Variants in TOR3A observed in about 807,000 individuals in gnomAD.
TOR3A encodes torsin family 3 member A, also known as torsin-3A.
Under a neutral mutation model 42.1 loss-of-function variants are expected in TOR3A, and 44 were observed. The observed-to-expected ratio is 1.04, with a 90% confidence interval of 0.82 to 1.34. TOR3A has a LOEUF of 1.34. TOR3A is among the 40% of genes most tolerant of loss of function. TOR3A has a pLI of 0.00. For synonymous variants in TOR3A, 227 were observed against 213.2 expected (o/e 1.06, Z -0.57); for missense variants, 521 against 507.6 (o/e 1.03, Z -0.25).
At chr1:179,085,040 T>C (rs1652391681) in intron 2 of TOR3A, among the ~76,000 whole-genome samples, 1 of 152,190 alleles carries the variant, frequency 6.6e-6, no homozygotes, top group Non-Finnish European at 1.5e-5. Flanking sequence ...CCTAGACAGG[T>C]CTGTGCCAAC....
rs1652703639 is a variant in TOR3A at position 179,095,154 on chromosome 1, A to G, written c.1130A>G (p.Glu377Gly). The change falls in exon 6 of 6, where the codon GAA becomes GGA. Residue 377 changes from glutamate (E) to glycine (G), a missense_variant. By Grantham distance (98) the Glu-to-Gly change is moderately conservative (BLOSUM62 -2). Coordinates refer to ENST00000367627, the MANE Select transcript of TOR3A (RefSeq NM_022371.4). ...ATGATGGTGTATGTCCCCAAGGAGG[A>G]ACAACTCTTTTCTTCCCAGGGCTGC... is the stretch of plus-strand genomic sequence containing the variant. The part of the protein sequence containing the change: ...AQMMVYVPKE[E>G]QLFSSQGCKS... 1 of 1,614,190 alleles carries G rather than the reference A, an allele frequency of 6.2e-7. No individual in the cohort carries two copies. Among genetic ancestry groups the G allele is most frequent in the East Asian group, 2.2e-5 (1 of 44,882 alleles).
At position 179,095,655 on chromosome 1, in the gene TOR3A, T is replaced by G; in HGVS notation, c.*437T>G. 9.8e-7 allele frequency: 1 copy of G among 1,021,534 alleles called. No homozygotes were observed. The highest frequency in any genetic ancestry group is 9.3e-5 in the East Asian group (1 of 10,718). 63.3% of individuals were successfully genotyped at this position (1,021,534 alleles called of 1,614,324 possible). A position where few individuals can be genotyped will look rare whatever the true frequency, so the allele number is the denominator to read the frequency against. On this transcript the variant is annotated 3_prime_UTR_variant, in exon 6 of 6. Coordinates refer to ENST00000367627, the MANE Select transcript of TOR3A (RefSeq NM_022371.4). ...CAAGGAAGAGCTTGGGTGTTAGGCC[T>G]CAGAGGCTGTAGGGTCCTTGGGTTA...
At position 179,094,146 on chromosome 1, in the gene TOR3A, G is replaced by C. The variant is rs748684059; in HGVS notation, c.872G>C (p.Gly291Ala). 2 of 1,614,098 alleles carry C rather than the reference G, an allele frequency of 1.2e-6. No individual in the cohort carries two copies. The highest frequency in any genetic ancestry group is 2.2e-5 in the South Asian group (2 of 91,062). The change falls in exon 5 of 6, where the codon GGA (glycine) becomes GCA (alanine). Residue 291 changes from glycine (G) to alanine (A), a missense_variant. By Grantham distance (60) the Gly-to-Ala change is moderately conservative (BLOSUM62 0). Transcript: ENST00000367627. ...NEVVLKLLKAGWSREEITMEH... is the reference protein window; with the variant it reads ...NEVVLKLLKAAWSREEITMEH... ...GTGGTCCTAAAGTTGCTCAAGGCTG[G>C]ATGGTCCCGGGAAGAAATTACGATG... is the stretch of plus-strand genomic sequence containing the variant.
At chr1:179,087,505 G>A (rs937924673) in intron 3 of TOR3A, among the ~76,000 whole-genome samples, 1 of 152,208 alleles carries the variant, frequency 6.6e-6, no homozygotes, top group Non-Finnish European at 1.5e-5. Context: ...GCGCCTGGAT[G>A]TTTTTGTTGT....
intron 4 of TOR3A, among the ~76,000 whole-genome samples, chr1:179,093,323 G>C (rs67939704): frequency 0.21 from 32,357 of 152,026 alleles, 3,516 homozygotes; most frequent in East Asian, 0.26. Flanking sequence ...CACAACCTGA[G>C]AGAGATCACA....
At position 179,095,970 on chromosome 1, in the gene TOR3A, A is replaced by C. The variant is rs905748144; in HGVS notation, c.*752A>C. 1.0e-6 allele frequency: 1 copy of C among 985,226 alleles called. No homozygotes were observed. The highest frequency in any genetic ancestry group is 6.2e-5 in the Admixed American group (1 of 16,248). The allele number at this position is 985,226 out of a possible 1,614,324, so 61.0% of individuals were successfully genotyped here. A position where few individuals can be genotyped will look rare whatever the true frequency, so the allele number is the denominator to read the frequency against. On this transcript the variant is annotated 3_prime_UTR_variant, in exon 6 of 6. Coordinates refer to ENST00000367627, the MANE Select transcript of TOR3A (RefSeq NM_022371.4). ...ATGTTTGTTGTATGTAAAGATGATA[A>C]GATTAAAATTTTTGATTTTCCTAAA...
At chr1:179,083,914 C>G (rs1281358137) in intron 2 of TOR3A, among the ~76,000 whole-genome samples, 2 of 152,092 alleles carry the variant, frequency 1.3e-5, no homozygotes, top group Non-Finnish European at 2.9e-5. Context: ...TGAGGCCCAC[C>G]CCAGATATTT....
chr1:179,092,841 C>CAAAAAAAAAA (rs1349060090), intron 4 of TOR3A, among the ~76,000 whole-genome samples: 2 of 146,072 alleles, frequency 1.4e-5, no homozygotes, highest in Non-Finnish European at 3.0e-5. Context: ...AACTCTGTCT[C>CAAAAAAAAAA]AAGAAAAAAA....
At chr1:179,094,932 A>C in intron 5 of TOR3A, 36 bp from the exon 6 acceptor site, 1 of 1,607,042 alleles carries the variant, frequency 6.2e-7, no homozygotes, top group Non-Finnish European at 8.5e-7. Context: ...GTTCAGTCCT[A>C]GGTCAGACTC....
chr1:179,094,981 C>T lies in TOR3A; in HGVS notation c.957C>T (p.Gly319=). ...EIVETIDNGF[G]HSRLVKENLI... is the part of the protein sequence containing the mutation. The stretch of plus-strand genomic sequence containing the variant: ...TCTTGCTTTCAGACAATGGCTTTGG[C>T]CACAGCCGTCTTGTGAAGGAAAACC... Residue 319 remains glycine, a synonymous_variant, in exon 6 of 6, where the codon GGC becomes GGT. Transcript: ENST00000367627. 6.2e-7 allele frequency: 1 copy of T among 1,614,184 alleles called. No homozygotes were observed.
Position 179,095,747 on chromosome 1 carries a change from TG to T in TOR3A, c.*532del. Reference sequence around the variant, plus strand: ...AATACACTCTAGGTTTGCAGGCTGGTGGGCTTTCAAATTGGTACTTCCAGAG... The same window carrying T: ...AATACACTCTAGGTTTGCAGGCTGGTGGCTTTCAAATTGGTACTTCCAGAG... On this transcript the variant is annotated 3_prime_UTR_variant, in exon 6 of 6. Coordinates refer to ENST00000367627, the MANE Select transcript of TOR3A (RefSeq NM_022371.4). 3 of 989,788 alleles carry T rather than the reference TG, an allele frequency of 3.0e-6. No homozygotes were observed. The highest frequency in any genetic ancestry group is 3.6e-6 in the Non-Finnish European group (3 of 832,736). The allele number at this position is 989,788 out of a possible 1,614,324, so 61.3% of individuals were successfully genotyped here. A position where few individuals can be genotyped will look rare whatever the true frequency, so the allele number is the denominator to read the frequency against.
intron 2 of TOR3A, 55 bp downstream of exon 2, chr1:179,083,108 C>A: frequency 1.8e-6 from 2 of 1,132,450 alleles, no homozygotes; most frequent in South Asian, 1.8e-5. Context: ...GGGAGGCAGT[C>A]CAGGGGAAAT....
chr1:179,088,186 C>G (rs1305298446), intron 4 of TOR3A, 97 bp downstream of exon 4: 7 of 1,330,838 alleles, frequency 5.3e-6, no homozygotes, highest in African/African-American at 3.0e-5. Context: ...AGAACCTTTC[C>G]TCAAGAAAAA....
chr1:179,088,660 C>T (rs569018351), intron 4 of TOR3A, among the ~76,000 whole-genome samples: 1 of 152,232 alleles, frequency 6.6e-6, no homozygotes, highest in African/African-American at 2.4e-5. Context: ...GAAACCCATG[C>T]TTCCTCTGAG....
chr1:179,089,603 C>A (rs1652523733), intron 4 of TOR3A, among the ~76,000 whole-genome samples: 1 of 152,214 alleles, frequency 6.6e-6, no homozygotes, highest in Non-Finnish European at 1.5e-5. Flanking sequence ...CAGCCGGGCT[C>A]ACCTCTCCTC....
chr1:179,085,561 T>C lies in TOR3A; in HGVS notation c.374-67T>C, dbSNP rs565388484. The C allele has an allele frequency of 3.7e-5, 59 of 1,579,852 alleles. No individual in the cohort carries two copies. The African/African-American group carries it at 7.3e-4, about 19-fold the overall frequency. Reference sequence around the variant, plus strand: ...ATTCAGAGTTGCTTGGTTTCTTGGCTGTTGGCTGTTGTGGTGGATGGGCCT... The same window carrying C: ...ATTCAGAGTTGCTTGGTTTCTTGGCCGTTGGCTGTTGTGGTGGATGGGCCT... On this transcript the variant is annotated intron_variant, in intron 2 of 5. Transcript: ENST00000367627.
chr1:179,085,758 G>A lies in TOR3A; in HGVS notation c.504G>A (p.Trp168Ter). Residue 168 changes from tryptophan (W) to a stop codon, truncating the protein, a stop_gained, in exon 3 of 6, where the codon TGG (tryptophan) becomes TGA (stop). Transcript: ENST00000367627. LOFTEE classifies it high-confidence loss of function. ...CCCTTGCTCTGTCGTTCCACGGCTGGTCTGGCACAGGCAAGAACTTCGTGG... is the reference window on the plus strand; with the variant it reads ...CCCTTGCTCTGTCGTTCCACGGCTGATCTGGCACAGGCAAGAACTTCGTGG... Reference protein sequence around the residue: ...EKALALSFHGWSGTGKNFVAR... With the variant: ...EKALALSFHG The A allele has an allele frequency of 1.2e-6, 2 of 1,614,212 alleles. No individual in the cohort carries two copies. Among genetic ancestry groups the A allele is most frequent in the South Asian group, 1.1e-5 (1 of 91,090 alleles).
At chr1:179,092,325 G>T (rs1402571715) in intron 4 of TOR3A, among the ~76,000 whole-genome samples, 3 of 152,204 alleles carry the variant, frequency 2.0e-5, no homozygotes, top group Non-Finnish European at 4.4e-5. Flanking sequence ...GGGGCTTTCA[G>T]AGCTGGGTAA....
chr1:179,082,358 A>T lies in TOR3A; in HGVS notation c.230A>T (p.Glu77Val). 6.2e-7 allele frequency: 1 copy of T among 1,606,608 alleles called. No homozygotes were observed. Among genetic ancestry groups the T allele is most frequent in the Non-Finnish European group, 8.5e-7 (1 of 1,177,778 alleles). ...SCQVWPDDCD[E>V]DEEAATGPLG... ...CAGGTGTGGCCCGACGACTGTGACG[A>T]GGACGAGGAGGCAGCCACGGGGCCC... Residue 77 changes from glutamate (E) to valine (V), a missense_variant, in exon 1 of 6, where the codon GAG (glutamate) becomes GTG (valine). Transcript: ENST00000367627.
Sources: allele counts gnomAD v4.1 joint callset (sites outside exome capture counted in the v4.1 genomes callset), GRCh38; gene constraint gnomAD v4.1.1; transcripts MANE v1.5; gene names NCBI Gene and HGNC (gene_info 2026-07-23, HGNC 2026-07-21).